BCKDHB: variants seen among roughly 807,000 people sequenced by gnomAD.
The protein encoded by BCKDHB is 2-oxoisovalerate dehydrogenase subunit beta, mitochondrial.
BCKDHB carries 41 observed loss-of-function variants against 48.5 expected under a neutral mutation model. The ratio of observed to expected loss-of-function variants is 0.85; its 90% CI spans 0.66 to 1.10. The LOEUF (loss-of-function observed/expected upper bound fraction) is 1.10, where lower values mean the gene tolerates loss of function less well. Among genes scored for constraint, BCKDHB ranks in the 50% least tolerant of loss-of-function variants. The pLI is 0.00. For missense variants in BCKDHB, 496 were observed against 494.2 expected (o/e 1.00, Z -0.03); for synonymous variants, 201 against 174.8 (o/e 1.15, Z -1.18).
chr6:80,418,317 C>A, the BCKDHB span, among the ~76,000 whole-genome samples: 3 of 152,162 alleles, frequency 2.0e-5, no homozygotes, highest in East Asian at 5.8e-4. Context: ...TGGTTCAGAA[C>A]CCCTGCTAGA....
At chr6:80,452,211 A>G in the BCKDHB span, among the ~76,000 whole-genome samples, 1 of 152,200 alleles carries the variant, frequency 6.6e-6, no homozygotes, top group Non-Finnish European at 1.5e-5. Flanking sequence ...TCCATTGGCT[A>G]TAGTGTGTCG....
intron 9 of BCKDHB, among the ~76,000 whole-genome samples, chr6:80,330,384 G>C (rs1421454103): frequency 2.0e-5 from 3 of 152,082 alleles, no homozygotes; most frequent in Non-Finnish European, 4.4e-5. Flanking sequence ...AATACTCCAG[G>C]ATGATACAGA....
chr6:80,396,088 G>A, the BCKDHB span, among the ~76,000 whole-genome samples: 1 of 152,250 alleles, frequency 6.6e-6, no homozygotes, highest in Non-Finnish European at 1.5e-5. Flanking sequence ...CCAGGGCAGT[G>A]CAGATGGGAA....
chr6:80,138,192 G>A (rs1425161330), intron 3 of BCKDHB, among the ~76,000 whole-genome samples: 3 of 152,004 alleles, frequency 2.0e-5, no homozygotes, highest in African/African-American at 7.2e-5. Context: ...TAGGGCTCAC[G>A]CTTCCTAAAA....
the BCKDHB span, among the ~76,000 whole-genome samples, chr6:80,458,019 G>A: frequency 1.3e-5 from 2 of 152,152 alleles, no homozygotes; most frequent in Non-Finnish European, 2.9e-5. Context: ...TCCTATATAA[G>A]CTACTACCTT....
At chr6:80,463,183 TA>T in the BCKDHB span, 13 of 152,242 alleles carry the variant, frequency 8.5e-5, no homozygotes, top group Non-Finnish European at 1.6e-4. Flanking sequence ...GTTTTGTTAT[TA>T]AATAGACATT....
intron 8 of BCKDHB, among the ~76,000 whole-genome samples, chr6:80,248,796 A>G (rs1379836338): frequency 6.6e-6 from 1 of 152,054 alleles, no homozygotes; most frequent in Non-Finnish European, 1.5e-5. Context: ...AAGCCAAGGG[A>G]GTGAATGAAA....
At chr6:80,246,323 C>T (rs900679930) in intron 8 of BCKDHB, among the ~76,000 whole-genome samples, 11 of 152,154 alleles carry the variant, frequency 7.2e-5, no homozygotes, top group Non-Finnish European at 1.5e-4. Flanking sequence ...TCCCTCGCCT[C>T]CCCTATGTAT....
At chr6:80,166,727 T>C (rs748132127) in intron 3 of BCKDHB, among the ~76,000 whole-genome samples, 9 of 152,132 alleles carry the variant, frequency 5.9e-5, no homozygotes, top group Non-Finnish European at 1.3e-4. Flanking sequence ...TTAATTACAC[T>C]ATGGTCAGAG....
chr6:80,173,068 A>G (rs920161024), intron 6 of BCKDHB, among the ~76,000 whole-genome samples: 3 of 152,170 alleles, frequency 2.0e-5, no homozygotes, highest in Non-Finnish European at 4.4e-5. Context: ...GAAATTTTGC[A>G]GTATTTAATA....
At position 80,106,900 on chromosome 6, in the gene BCKDHB, G is replaced by A. The variant is rs756246675; in HGVS notation, c.196+11G>A. Reference sequence around the variant, plus strand: ...AGCCCCGGGAGTACGGTGAGCCCTGGGACTGCCCACTCGGTCCCGCTGCAG... The same window carrying A: ...AGCCCCGGGAGTACGGTGAGCCCTGAGACTGCCCACTCGGTCCCGCTGCAG... On this transcript the variant is annotated intron_variant, in intron 1 of 9. Coordinates refer to ENST00000320393, the MANE Select transcript of BCKDHB (RefSeq NM_183050.4). The A allele has an allele frequency of 8.8e-6, 14 of 1,598,854 alleles. No homozygotes were observed. The highest frequency in any genetic ancestry group is 1.2e-5 in the Non-Finnish European group (14 of 1,173,662).
At chr6:80,209,908 G>A (rs1286934622) in intron 8 of BCKDHB, among the ~76,000 whole-genome samples, 1 of 151,856 alleles carries the variant, frequency 6.6e-6, no homozygotes, top group Non-Finnish European at 1.5e-5. Context: ...GAAATATAAA[G>A]TACTTACACA....
chr6:80,374,639 A>G, the BCKDHB span: 1 of 500,822 alleles, frequency 2.0e-6, no homozygotes, highest in East Asian at 3.6e-5. Context: ...CATTTAGGCC[A>G]TTTACATTCA....
chr6:80,216,035 C>T (rs377683826), intron 8 of BCKDHB, among the ~76,000 whole-genome samples: 1 of 152,090 alleles, frequency 6.6e-6, no homozygotes, highest in African/African-American at 2.4e-5. Flanking sequence ...CCACCGTGCC[C>T]GGCCAATGTA....
rs1770171648 is a variant in BCKDHB, at chr6:80,345,739, T to C, written c.*1935T>C. Reference sequence around the variant, plus strand: ...GTGGTTCCCTTCCGTGGACCAGCCGTAATAAAGAGCCAAGGTAGTGATGGT... The same window carrying C: ...GTGGTTCCCTTCCGTGGACCAGCCGCAATAAAGAGCCAAGGTAGTGATGGT... On this transcript the variant is annotated 3_prime_UTR_variant, in exon 10 of 10. Transcript: ENST00000320393. The C allele has an allele frequency of 6.6e-6, 1 of 152,228 alleles. No homozygotes were observed. Among genetic ancestry groups the C allele is most frequent in the South Asian group, 2.1e-4 (1 of 4,828 alleles). The allele number at this position is 152,228 out of a possible 1,614,324, so 9.4% of individuals were successfully genotyped here. A position where few individuals can be genotyped will look rare whatever the true frequency, so the allele number is the denominator to read the frequency against.
At chr6:80,228,869 A>G (rs1535825) in intron 8 of BCKDHB, among the ~76,000 whole-genome samples, 79,210 of 151,898 alleles carry the variant, frequency 0.52, 21,003 homozygotes, top group East Asian at 0.68. Context: ...AAAGTATAGC[A>G]GTGGAGAGAT....
intron 5 of BCKDHB, among the ~76,000 whole-genome samples, chr6:80,169,587 A>G (rs896477398): frequency 1.2e-4 from 18 of 152,108 alleles, no homozygotes; most frequent in African/African-American, 4.1e-4. Context: ...TCTTTCACAA[A>G]AGCTTAGGTC....
At position 80,168,876 on chromosome 6, in the gene BCKDHB, T is replaced by G. The variant is rs398124576; in HGVS notation, c.479T>G (p.Ile160Ser). 54 of 1,613,896 alleles carry G rather than the reference T, an allele frequency of 3.3e-5. No homozygotes were observed. Among genetic ancestry groups the G allele is most frequent in the Non-Finnish European group, 4.3e-5 (51 of 1,179,978 alleles). Residue 160 changes from isoleucine to serine, a missense_variant and splice_region_variant, in exon 5 of 10, where the codon ATT becomes AGT. Ile to Ser is a moderately radical substitution (Grantham distance 142). Coordinates refer to ENST00000320393, the MANE Select transcript of BCKDHB (RefSeq NM_183050.4). ...ADYIFPAFDQ[I>S]VNEAAKYRYR... The stretch of plus-strand genomic sequence containing the variant: ...CCCGTCTTTCTTTCTGACCCTCAGA[T>G]TGTTAATGAAGCTGCCAAGTATCGC...
downstream of BCKDHB, among the ~76,000 whole-genome samples, chr6:80,350,909 A>G (rs1333827710): frequency 5.3e-5 from 8 of 152,144 alleles, no homozygotes; most frequent in Admixed American, 3.9e-4. Context: ...TTTGTTTACA[A>G]CAAATTCCAC....
Sources: allele counts gnomAD v4.1 joint callset (sites outside exome capture counted in the v4.1 genomes callset), GRCh38; gene constraint gnomAD v4.1.1; transcripts MANE v1.5; gene names NCBI Gene and HGNC (gene_info 2026-07-23, HGNC 2026-07-21).